GRM7: variants seen among roughly 807,000 people sequenced by gnomAD.
GRM7 encodes the protein glutamate metabotropic receptor 7, also known as metabotropic glutamate receptor 7.
GRM7 carries 35 observed loss-of-function variants against 84.5 expected under a neutral mutation model. The observed-to-expected ratio is 0.41, with a 90% CI of 0.32 to 0.55. The LOEUF is 0.55. Ranked by LOEUF, GRM7 falls within the 20% of genes least tolerant of loss-of-function variation. GRM7 has a pLI of 0.19. For missense variants in GRM7, 1,003 were observed against 1,194.6 expected, an observed-to-expected ratio of 0.84 and a Z score of 2.36; for synonymous variants, 487 against 455.1, an observed-to-expected ratio of 1.07 and a Z score of -0.89.
intron 1 of GRM7, among the ~76,000 whole-genome samples, chr3:7,106,146 A>G (rs1033222170): frequency 6.6e-6 from 1 of 151,996 alleles, no homozygotes; most frequent in African/African-American, 2.4e-5. Context: ...TAAATTGCTA[A>G]TAGTGCCAAA....
chr3:7,213,938 G>T (rs1696515769), intron 2 of GRM7, among the ~76,000 whole-genome samples: 1 of 152,106 alleles, frequency 6.6e-6, no homozygotes, highest in Non-Finnish European at 1.5e-5. Flanking sequence ...GTATGTCCCA[G>T]TAAAGAACAG....
At chr3:7,716,292 C>A (rs3804819) in intron 9 of GRM7, among the ~76,000 whole-genome samples, 1 of 152,294 alleles carries the variant, frequency 6.6e-6, no homozygotes, top group East Asian at 1.9e-4. Flanking sequence ...CAGCAATTCC[C>A]CACACTCGTT....
chr3:7,337,599 C>A (rs1209922149), intron 4 of GRM7, among the ~76,000 whole-genome samples: 1 of 151,754 alleles, frequency 6.6e-6, no homozygotes, highest in East Asian at 1.9e-4. Context: ...GGGCTAAGGA[C>A]ATGAACAGAC....
intron 2 of GRM7, among the ~76,000 whole-genome samples, chr3:7,209,399 C>A (rs1415688362): frequency 6.6e-6 from 1 of 151,908 alleles, no homozygotes. Context: ...AGTGGAGGAT[C>A]CAAGTTGGAT....
At chr3:7,495,806 G>A (rs1699682617) in intron 7 of GRM7, among the ~76,000 whole-genome samples, 1 of 152,110 alleles carries the variant, frequency 6.6e-6, no homozygotes, top group Non-Finnish European at 1.5e-5. Flanking sequence ...TGTTGGATAG[G>A]GGAACACAAG....
intron 9 of GRM7, among the ~76,000 whole-genome samples, chr3:7,707,781 T>G (rs1173092532): frequency 6.6e-6 from 1 of 152,202 alleles, no homozygotes; most frequent in African/African-American, 2.4e-5. Flanking sequence ...TTTCTTTAAC[T>G]ATGGCCTCTC....
rs142013214 is a variant in GRM7 at position 7,002,970 on chromosome 3, G to A, written c.519+141063G>A. Among the ~76,000 whole-genome samples the A allele has an allele frequency of 9.7e-3, 1,470 of 152,242 alleles. 11 individuals carry two copies. Among genetic ancestry groups the A allele is most frequent in the Middle Eastern group, 0.02 (6 of 294 alleles). On this transcript the variant is annotated intron_variant, in intron 1 of 9. Transcript: ENST00000357716. ...ATAAACCTAGATAATATTGTGCTAA[G>A]TGAAATGAGCCAGACCCAGAAAGAT...
At chr3:7,006,778 A>AT (rs1319739516) in intron 1 of GRM7, among the ~76,000 whole-genome samples, 9 of 152,332 alleles carry the variant, frequency 5.9e-5, no homozygotes, top group Admixed American at 5.9e-4. Context: ...CACTGATTTC[A>AT]TTTTACAATC....
intron 4 of GRM7, among the ~76,000 whole-genome samples, chr3:7,402,708 A>C (rs1206070173): frequency 2.0e-5 from 3 of 152,138 alleles, no homozygotes; most frequent in African/African-American, 7.2e-5. Flanking sequence ...AGGTGTCCAA[A>C]ACATTTCTTC....
At chr3:7,227,348 C>T (rs951557) in intron 2 of GRM7, among the ~76,000 whole-genome samples, 55,630 of 152,026 alleles carry the variant, frequency 0.37, 12,065 homozygotes, top group Admixed American at 0.52. Flanking sequence ...TATTAGAGGT[C>T]TAGCAGAAAG....
chr3:7,064,961 A>G (rs572852962), intron 1 of GRM7, among the ~76,000 whole-genome samples: 1 of 151,790 alleles, frequency 6.6e-6, no homozygotes, highest in African/African-American at 2.4e-5. Context: ...ATTTTTTCAT[A>G]TGTTCATTGG....
intron 1 of GRM7, among the ~76,000 whole-genome samples, chr3:7,051,471 T>A (rs1479340770): frequency 6.6e-6 from 1 of 151,848 alleles, no homozygotes; most frequent in Non-Finnish European, 1.5e-5. Context: ...TGTCTTTCTG[T>A]TTCTTAGGTA....
chr3:7,208,645 T>C (rs1696319140), intron 2 of GRM7, among the ~76,000 whole-genome samples: 1 of 152,152 alleles, frequency 6.6e-6, no homozygotes, highest in African/African-American at 2.4e-5. Flanking sequence ...ATCACGGGAC[T>C]CTGTTGGGTC....
chr3:7,674,906 T>A (rs1357529008), intron 8 of GRM7, among the ~76,000 whole-genome samples: 3 of 152,208 alleles, frequency 2.0e-5, no homozygotes, highest in Non-Finnish European at 4.4e-5. Context: ...TGGATGACTG[T>A]ACAAGTAGTG....
At chr3:7,571,976 G>A (rs2125046479) in intron 7 of GRM7, among the ~76,000 whole-genome samples, 1 of 152,206 alleles carries the variant, frequency 6.6e-6, no homozygotes, top group African/African-American at 2.4e-5. Flanking sequence ...AAAACCATCA[G>A]ATCTCATGAG....
chr3:7,432,408 C>A (rs2124851300), intron 5 of GRM7, among the ~76,000 whole-genome samples: 1 of 152,264 alleles, frequency 6.6e-6, no homozygotes. Context: ...GCAACCTCTG[C>A]CTCCTGGGTT....
intron 2 of GRM7, among the ~76,000 whole-genome samples, chr3:7,287,878 T>C (rs758809612): frequency 6.6e-6 from 1 of 152,122 alleles, no homozygotes; most frequent in Non-Finnish European, 1.5e-5. Context: ...CAGATAAAGA[T>C]GCTGAAAAAT....
At chr3:7,589,389 G>A (rs112036006) in intron 8 of GRM7, among the ~76,000 whole-genome samples, 1 of 152,112 alleles carries the variant, frequency 6.6e-6, no homozygotes, top group Non-Finnish European at 1.5e-5. Context: ...GACTGCATAG[G>A]GATAAGTGTT....
At position 7,146,539 on chromosome 3, in the gene GRM7, T is replaced by C; in HGVS notation, c.607T>C (p.Ser203Pro). 6.2e-7 allele frequency: 1 copy of C among 1,613,992 alleles called. No homozygotes were observed. Residue 203 changes from serine (S) to proline (P), a missense_variant, in exon 2 of 10, where the codon TCC becomes CCC. Coordinates refer to ENST00000357716, the MANE Select transcript of GRM7 (RefSeq NM_000844.4). ...CTTCTCTCGCGTGGTGCCACCCGATTCCTTCCAAGCCCAGGCCATGGTAGA... is the reference window on the plus strand; with the variant it reads ...CTTCTCTCGCGTGGTGCCACCCGATCCCTTCCAAGCCCAGGCCATGGTAGA... ...DFFSRVVPPD[S>P]FQAQAMVDIV...
Sources: gnomAD v4.1 joint callset for allele counts (sites outside exome capture counted in the v4.1 genomes callset) on GRCh38, gnomAD v4.1.1 for gene constraint, MANE v1.5 for transcripts, NCBI Gene and HGNC (gene_info 2026-07-23, HGNC 2026-07-21) for gene names.